The following CHST9 variants were observed in gnomAD, a reference collection of about 807,000 sequenced individuals.
CHST9 encodes carbohydrate sulfotransferase 9.
CHST9 carries 41 observed loss-of-function variants against 44.4 expected under a neutral mutation model. That is an observed-to-expected ratio of 0.92 (90% CI 0.72 to 1.20). CHST9 has a LOEUF of 1.20. Among genes scored for constraint, CHST9 ranks in the 50% most tolerant of loss-of-function variants. The pLI is 0.00. For missense variants in CHST9, 504 were observed against 516.5 expected (o/e 0.98, Z 0.23); for synonymous variants, 171 against 178.4 (o/e 0.96, Z 0.33).
intron 2 of CHST9, among the ~76,000 whole-genome samples, chr18:27,112,290 C>G (rs1022076410): frequency 3.3e-5 from 5 of 150,762 alleles, no homozygotes; most frequent in Admixed American, 6.6e-5. Flanking sequence ...AGAAGTGTTT[C>G]AGATTTTAAA....
chr18:27,167,440 T>G (rs1011528910), intron 1 of CHST9, among the ~76,000 whole-genome samples: 1 of 152,198 alleles, frequency 6.6e-6, no homozygotes, highest in African/African-American at 2.4e-5. Context: ...TCATAGAACT[T>G]TCTTCTTTTC....
intron 1 of CHST9, among the ~76,000 whole-genome samples, chr18:27,166,739 T>C (rs1598774059): frequency 1.3e-5 from 2 of 152,232 alleles, no homozygotes; most frequent in South Asian, 4.1e-4. Context: ...ATTTTCCCTC[T>C]ACTGTTTTAG....
intron 5 of CHST9, among the ~76,000 whole-genome samples, chr18:26,938,532 C>T (rs897577708): frequency 3.3e-5 from 5 of 152,076 alleles, no homozygotes; most frequent in Non-Finnish European, 7.4e-5. Context: ...TCCTTGAGTG[C>T]GTGGCCATTT....
intron 1 of CHST9, among the ~76,000 whole-genome samples, chr18:27,146,927 G>A (rs1394745962): frequency 6.6e-6 from 1 of 152,082 alleles, no homozygotes; most frequent in Non-Finnish European, 1.5e-5. Flanking sequence ...TTTTCCAAAA[G>A]TTTAAAAATT....
At chr18:27,024,965 T>C (rs778130427) in intron 3 of CHST9, among the ~76,000 whole-genome samples, 4 of 151,720 alleles carry the variant, frequency 2.6e-5, no homozygotes, top group Admixed American at 1.3e-4. Context: ...GAGAACAATC[T>C]TACAGAGCAG....
At chr18:26,955,802 A>G (rs2056314448) in intron 4 of CHST9, among the ~76,000 whole-genome samples, 1 of 152,168 alleles carries the variant, frequency 6.6e-6, no homozygotes, top group African/African-American at 2.4e-5. Flanking sequence ...GCAGGAGCTC[A>G]GCTGCTGGGG....
chr18:27,043,176 G>T (rs1445093611), intron 3 of CHST9, among the ~76,000 whole-genome samples: 1 of 151,804 alleles, frequency 6.6e-6, no homozygotes, highest in South Asian at 2.1e-4. Flanking sequence ...GTTAATGTTG[G>T]GGATGTTCTA....
At chr18:27,043,738 TG>T (rs2057470116) in intron 3 of CHST9, among the ~76,000 whole-genome samples, 1 of 152,180 alleles carries the variant, frequency 6.6e-6, no homozygotes, top group African/African-American at 2.4e-5. Flanking sequence ...ACCTCTCTCC[TG>T]GAGAGATTTT....
chr18:27,047,178 C>T (rs183443608), intron 3 of CHST9, among the ~76,000 whole-genome samples: 2 of 151,968 alleles, frequency 1.3e-5, no homozygotes, highest in African/African-American at 2.4e-5. Context: ...ATTGAGGGAA[C>T]CTAATGAGGC....
At chr18:27,030,980 AT>A (rs754105137) in intron 3 of CHST9, among the ~76,000 whole-genome samples, 3 of 152,128 alleles carry the variant, frequency 2.0e-5, no homozygotes, top group South Asian at 2.1e-4. Flanking sequence ...TCCTGTTTAT[AT>A]TGTATTTAAT....
intron 2 of CHST9, among the ~76,000 whole-genome samples, chr18:27,142,317 T>A (rs1314666177): frequency 6.6e-6 from 1 of 152,188 alleles, no homozygotes; most frequent in Non-Finnish European, 1.5e-5. Flanking sequence ...TAAGACAGAA[T>A]TAAAGGAGAG....
intron 2 of CHST9, among the ~76,000 whole-genome samples, chr18:27,110,977 C>T (rs545730539): frequency 6.6e-6 from 1 of 152,318 alleles, no homozygotes; most frequent in South Asian, 2.1e-4. Flanking sequence ...GATTCAAGTT[C>T]AGTTTTGACT....
chr18:27,080,172 T>C (rs984581109), intron 2 of CHST9, among the ~76,000 whole-genome samples: 9 of 151,978 alleles, frequency 5.9e-5, no homozygotes, highest in Non-Finnish European at 8.8e-5. Flanking sequence ...AATACTAAAA[T>C]GACCATAAAA....
intron 4 of CHST9, among the ~76,000 whole-genome samples, chr18:27,016,801 C>T (rs756976337): frequency 1.4e-4 from 22 of 151,912 alleles, no homozygotes; most frequent in Non-Finnish European, 2.9e-4. Context: ...ATAGTATGCA[C>T]ATATGATATT....
chr18:27,157,606 C>T (rs1466245917), intron 1 of CHST9, among the ~76,000 whole-genome samples: 3 of 152,054 alleles, frequency 2.0e-5, no homozygotes, highest in Non-Finnish European at 4.4e-5. Context: ...TATCTACTGA[C>T]AAGAAACGTA....
intron 2 of CHST9, among the ~76,000 whole-genome samples, chr18:27,123,218 C>T: frequency 6.6e-6 from 1 of 152,214 alleles, no homozygotes; most frequent in South Asian, 2.1e-4. Flanking sequence ...ATATGGGGAC[C>T]ATTGGATCCA....
Position 26,916,731 on chromosome 18 carries a change from A to T in CHST9, c.860T>A (p.Val287Glu). The T allele has an allele frequency of 1.2e-6, 2 of 1,613,924 alleles. No individual in the cohort carries two copies. Among genetic ancestry groups the T allele is most frequent in the Non-Finnish European group, 1.7e-6 (2 of 1,179,838 alleles). Reference sequence around the variant, plus strand: ...TTCAAATTTGTCCCTAAAGGCTGATACTAATCTTTCCATGGGATCACGAAC... The same window carrying T: ...TTCAAATTTGTCCCTAAAGGCTGATTCTAATCTTTCCATGGGATCACGAAC... ...VFVRDPMERL[V>E]SAFRDKFEHP... The change falls in exon 6 of 6, where the codon GTA becomes GAA. Residue 287 changes from valine to glutamate, a missense_variant. Physicochemically the swap from Val to Glu is moderately radical, Grantham distance 121. Transcript: ENST00000618847.
chr18:26,927,801 C>T (rs180724497), intron 5 of CHST9, among the ~76,000 whole-genome samples: 63 of 151,926 alleles, frequency 4.1e-4, no homozygotes, highest in Admixed American at 5.9e-4. Flanking sequence ...TTTACTAATC[C>T]TCCTCAGCAC....
chr18:27,176,578 T>C (rs140148947), intron 1 of CHST9, among the ~76,000 whole-genome samples: 67 of 152,118 alleles, frequency 4.4e-4, no homozygotes, highest in Non-Finnish European at 9.3e-4. Context: ...CATGTTTCAT[T>C]TGATGTTTCT....
Sources: allele counts gnomAD v4.1 joint callset (sites outside exome capture counted in the v4.1 genomes callset), GRCh38; gene constraint gnomAD v4.1.1; transcripts MANE v1.5; gene names NCBI Gene and HGNC (gene_info 2026-07-23, HGNC 2026-07-21).